ARPP21: variants seen among roughly 807,000 people sequenced by gnomAD.
The protein encoded by ARPP21 is cAMP regulated phosphoprotein 21.
In ARPP21, 69 loss-of-function variants were observed where a neutral mutation model predicts 113.2. The observed-to-expected ratio is 0.61, with a 90% CI of 0.50 to 0.74. The LOEUF is 0.74. Ranked by LOEUF, ARPP21 falls within the 30% of genes least tolerant of loss-of-function variation. The pLI, the probability that ARPP21 is intolerant of heterozygous loss-of-function variation, is 0.00. For missense variants in ARPP21, 1,070 were observed against 1,037.4 expected (o/e 1.03, Z -0.43); for synonymous variants, 368 against 375.5 (o/e 0.98, Z 0.23).
At position 35,729,234 on chromosome 3, in the gene ARPP21, T is replaced by A. The variant is rs557016049; in HGVS notation, c.1226-69T>A. 7 of 1,087,526 alleles carry A rather than the reference T, an allele frequency of 6.4e-6. No individual in the cohort carries two copies. The Admixed American group carries it at 8.9e-5, about 14-fold the overall frequency. 67.4% of individuals were successfully genotyped at this position (1,087,526 alleles called of 1,614,324 possible). A position where few individuals can be genotyped will look rare whatever the true frequency, so the allele number is the denominator to read the frequency against. The stretch of plus-strand genomic sequence containing the variant: ...GATGTGTCGCAGAAAAGTGAGCATT[T>A]AGACTCAGATTGGTGCTTTCTCTCA... On this transcript the variant is annotated intron_variant, in intron 14 of 20. Coordinates refer to ENST00000684406, the MANE Select transcript of ARPP21 (RefSeq NM_001385562.1).
intron 17 of ARPP21, 39 bp from the exon 18 acceptor site, chr3:35,739,278 G>A: frequency 6.3e-7 from 1 of 1,598,212 alleles, no homozygotes; most frequent in Non-Finnish European, 8.5e-7. Context: ...TTACCAAGCT[G>A]ATCCTGTGAA....
chr3:35,774,911 T>A (rs1318990490), intron 19 of ARPP21: 1 of 152,178 alleles, frequency 6.6e-6, no homozygotes, highest in African/African-American at 2.4e-5. Context: ...CAATAATTTT[T>A]CTTAGTAGTG....
intron 1 of ARPP21, among the ~76,000 whole-genome samples, chr3:35,668,125 T>G (rs1484170324): frequency 6.6e-6 from 1 of 152,168 alleles, no homozygotes; most frequent in Non-Finnish European, 1.5e-5. Context: ...AGAAATTTCT[T>G]GCTACTATTC....
At chr3:35,667,852 AGAAG>A (rs2074862039) in intron 1 of ARPP21, among the ~76,000 whole-genome samples, 1 of 113,830 alleles carries the variant, frequency 8.8e-6, no homozygotes, top group East Asian at 2.4e-4. Flanking sequence ...AAGAAGAAGA[AGAAG>A]AAGAAGAAGA....
intron 1 of ARPP21, among the ~76,000 whole-genome samples, chr3:35,678,418 C>T (rs1452400282): frequency 2.0e-5 from 3 of 151,772 alleles, no homozygotes; most frequent in East Asian, 3.9e-4. Context: ...TTTTAAGACA[C>T]GATGATTTCT....
chr3:35,711,382 T>G (rs1335494890), intron 11 of ARPP21, among the ~76,000 whole-genome samples: 1 of 152,218 alleles, frequency 6.6e-6, no homozygotes, highest in Non-Finnish European at 1.5e-5. Context: ...CCATAACCGT[T>G]AAAAGGCTAA....
intron 1 of ARPP21, among the ~76,000 whole-genome samples, chr3:35,668,036 A>AAGAAGAAGAAGAAGG (rs1559551013): frequency 2.1e-5 from 3 of 143,624 alleles, no homozygotes; most frequent in Admixed American, 6.9e-5. Flanking sequence ...GAAGAAGGAG[A>AAGAAGAAGAAGAAGG]AGAAGAAGAA....
At chr3:35,747,389 G>A (rs1364534808) in intron 19 of ARPP21, among the ~76,000 whole-genome samples, 1 of 147,838 alleles carries the variant, frequency 6.8e-6, no homozygotes, top group Non-Finnish European at 1.5e-5. Flanking sequence ...GAACACTAAT[G>A]TCGAGAAAGT....
intron 1 of ARPP21, among the ~76,000 whole-genome samples, chr3:35,658,871 T>A (rs1706296383): frequency 6.6e-6 from 1 of 152,070 alleles, no homozygotes; most frequent in African/African-American, 2.4e-5. Flanking sequence ...TGCAGGCCAA[T>A]CTTCTGCAGC....
In ARPP21 at chr3:35,681,812, ACGG is replaced by A; in HGVS notation, c.63_65del (p.Ala22del). On this transcript the variant is annotated inframe_deletion, in exon 3 of 21. Coordinates refer to ENST00000684406, the MANE Select transcript of ARPP21 (RefSeq NM_001385562.1). Reference sequence around the variant, plus strand: ...AGAGGAAGGAGGGACTGAGCAGGAGACGGCCACTCCAGAGAACGGCATTGTTAA... The same window carrying A: ...AGAGGAAGGAGGGACTGAGCAGGAGACCACTCCAGAGAACGGCATTGTTAA... 6.2e-7 allele frequency: 1 copy of A among 1,611,980 alleles called. No homozygotes were observed. The highest frequency in any genetic ancestry group is 8.5e-7 in the Non-Finnish European group (1 of 1,178,624).
At chr3:35,683,877 C>G (rs575577283) in intron 5 of ARPP21, 62 bp downstream of exon 5, 1 of 969,626 alleles carries the variant, frequency 1.0e-6, no homozygotes, top group East Asian at 2.4e-5. Flanking sequence ...GTGCATGACT[C>G]TTAATTTGGT....
At chr3:35,687,384 A>G (rs1458939274) in intron 5 of ARPP21, among the ~76,000 whole-genome samples, 1 of 150,418 alleles carries the variant, frequency 6.6e-6, no homozygotes, top group African/African-American at 2.4e-5. Flanking sequence ...TTTTTTTTTT[A>G]ATACAATGGC....
chr3:35,728,215 C>CTTTTT (rs775065085), intron 14 of ARPP21, among the ~76,000 whole-genome samples: 3 of 105,182 alleles, frequency 2.9e-5, no homozygotes, highest in Admixed American at 1.1e-4. Context: ...GATTCCTTGC[C>CTTTTT]TTTTTTTTTT....
chr3:35,670,891 C>G (rs1575633547), intron 1 of ARPP21, among the ~76,000 whole-genome samples: 1 of 152,130 alleles, frequency 6.6e-6, no homozygotes, highest in Non-Finnish European at 1.5e-5. Flanking sequence ...GCCTGCGGGC[C>G]CTCTCTGTCC....
At chr3:35,712,775 A>G (rs2091563746) in intron 11 of ARPP21, among the ~76,000 whole-genome samples, 1 of 152,174 alleles carries the variant, frequency 6.6e-6, no homozygotes, top group African/African-American at 2.4e-5. Context: ...TAAATAATAA[A>G]TGTATTTTTT....
intron 1 of ARPP21, among the ~76,000 whole-genome samples, chr3:35,646,513 C>T (rs895841969): frequency 2.0e-5 from 3 of 152,058 alleles, no homozygotes; most frequent in Non-Finnish European, 2.9e-5. Flanking sequence ...GCTTTAACTA[C>T]TCAATGCTTC....
At chr3:35,744,106 TTGACTC>T in intron 19 of ARPP21, 141 bp downstream of exon 19, 1 of 878,176 alleles carries the variant, frequency 1.1e-6, no homozygotes, top group Non-Finnish European at 1.8e-6. Flanking sequence ...AAGCATTTGA[TTGACTC>T]TGTGTGGAAA....
intron 15 of ARPP21, among the ~76,000 whole-genome samples, chr3:35,736,424 G>A (rs2094353728): frequency 6.6e-6 from 1 of 152,134 alleles, no homozygotes; most frequent in South Asian, 2.1e-4. Flanking sequence ...CACAGGAATT[G>A]TGATGAGGCT....
chr3:35,751,511 G>C (rs1470052828), intron 19 of ARPP21, among the ~76,000 whole-genome samples: 1 of 152,188 alleles, frequency 6.6e-6, no homozygotes, highest in Non-Finnish European at 1.5e-5. Flanking sequence ...AGTAGAATTG[G>C]AATTTCTCAC....
Sources: allele counts gnomAD v4.1 joint callset (sites outside exome capture counted in the v4.1 genomes callset), GRCh38; gene constraint gnomAD v4.1.1; transcripts MANE v1.5; gene names NCBI Gene and HGNC (gene_info 2026-07-23, HGNC 2026-07-21).